CDH18: variants seen among roughly 807,000 people sequenced by gnomAD.
The protein encoded by CDH18 is cadherin 18, also known as cadherin-18.
In CDH18, 31 loss-of-function variants were observed where a neutral mutation model predicts 67.9. That is an observed-to-expected ratio of 0.46 (90% CI 0.34 to 0.62). The LOEUF is 0.62. CDH18 is among the 20% of genes least tolerant of loss of function. CDH18 has a pLI of 0.01. For missense variants in CDH18, 890 were observed against 975.5 expected (o/e 0.91, Z 1.17); for synonymous variants, 362 against 347.2 (o/e 1.04, Z -0.48).
At chr5:20,289,793 C>T (rs1301577329) in intron 1 of CDH18, among the ~76,000 whole-genome samples, 1 of 151,868 alleles carries the variant, frequency 6.6e-6, no homozygotes, top group East Asian at 1.9e-4. Flanking sequence ...CATTAAACTA[C>T]AGATTTAATA....
chr5:19,543,792 G>A, intron 9 of CDH18, 77 bp downstream of exon 9: 1 of 1,005,856 alleles, frequency 9.9e-7, no homozygotes, highest in African/African-American at 1.6e-5. Context: ...GATTATGAGA[G>A]CCCTGCTCTT....
chr5:19,614,287 A>C (rs931615287), intron 5 of CDH18, among the ~76,000 whole-genome samples: 5 of 151,830 alleles, frequency 3.3e-5, no homozygotes, highest in African/African-American at 1.2e-4. Context: ...AAGATCCCAT[A>C]ACTTTCACAT....
chr5:20,435,834 T>C (rs995772211), intron 1 of CDH18, among the ~76,000 whole-genome samples: 18 of 152,092 alleles, frequency 1.2e-4, no homozygotes, highest in African/African-American at 4.3e-4. Context: ...ATATCAAAGG[T>C]AAAATCAAAT....
chr5:20,377,650 G>A (rs187871695), intron 1 of CDH18, among the ~76,000 whole-genome samples: 3 of 152,260 alleles, frequency 2.0e-5, no homozygotes, highest in East Asian at 3.9e-4. Flanking sequence ...ACAAGATGAC[G>A]CATCTAGCAG....
chr5:20,442,850 T>C lies in CDH18; in HGVS notation c.-580+132612A>G, dbSNP rs1049612662. 5.9e-5 allele frequency among the ~76,000 whole-genome samples: 9 copies of C among 151,970 alleles called. No homozygotes were observed. The East Asian group carries it at 1.4e-3, about 23-fold the overall frequency. ...CTGATTAATTGTACAAATATTCAGA[T>C]ACAATGGATCAGATATGTAGACACT... On this transcript the variant is annotated intron_variant, in intron 1 of 14. Coordinates refer to the CDH18 transcript ENST00000507958.
Position 19,994,187 on chromosome 5 carries a change from A to G in CDH18, c.-517-2173T>C, listed in dbSNP as rs916616638. 7.9e-5 allele frequency among the ~76,000 whole-genome samples: 12 copies of G among 152,020 alleles called. No individual in the cohort carries two copies. The East Asian group carries it at 1.2e-3, about 15-fold the overall frequency. The stretch of plus-strand genomic sequence containing the variant: ...CAGCTTTGTCAACTGAATGAATGCA[A>G]TCTGGTGGGGTGTATATCTATATGT... On this transcript the variant is annotated intron_variant, in intron 2 of 14. Coordinates refer to the CDH18 transcript ENST00000507958.
At chr5:19,948,237 G>A (rs78042491) in intron 2 of CDH18, among the ~76,000 whole-genome samples, 19 of 152,074 alleles carry the variant, frequency 1.2e-4, no homozygotes, top group South Asian at 4.1e-4. Context: ...TAGACTTATC[G>A]CACAAAGCAG....
intron 8 of CDH18, among the ~76,000 whole-genome samples, chr5:19,558,059 G>A (rs1207779616): frequency 6.6e-6 from 1 of 152,014 alleles, no homozygotes; most frequent in Non-Finnish European, 1.5e-5. Context: ...AGACAACAAT[G>A]AAATGAAAAT....
intron 1 of CDH18, chr5:20,304,982 G>C (rs1040900587): frequency 1.9e-6 from 3 of 1,613,782 alleles, no homozygotes; most frequent in Middle Eastern, 1.6e-4. Flanking sequence ...AACTGCTTGT[G>C]ATAGGCATTT....
At chr5:19,838,302 G>T (rs1398194796) in intron 3 of CDH18, among the ~76,000 whole-genome samples, 1 of 152,006 alleles carries the variant, frequency 6.6e-6, no homozygotes, top group Non-Finnish European at 1.5e-5. Context: ...TATGATATTA[G>T]AAAATATGTG....
chr5:19,493,537 GGTGTGTGT>G (rs67879363), intron 11 of CDH18, among the ~76,000 whole-genome samples: 65 of 148,022 alleles, frequency 4.4e-4, no homozygotes, highest in Non-Finnish European at 7.3e-4. Context: ...AGGGAATTGG[GGTGTGTGT>G]GTGTGTGTGT....
At chr5:19,774,131 T>C (rs1175988177) in intron 3 of CDH18, among the ~76,000 whole-genome samples, 1 of 152,134 alleles carries the variant, frequency 6.6e-6, no homozygotes, top group African/African-American at 2.4e-5. Flanking sequence ...AAAGCTAGCA[T>C]AGATAAACAC....
chr5:19,862,304 C>T (rs566110752), intron 2 of CDH18, among the ~76,000 whole-genome samples: 79 of 152,258 alleles, frequency 5.2e-4, no homozygotes, highest in Middle Eastern at 3.4e-3. Context: ...TGTCAGGTAT[C>T]TCACAATTCT....
chr5:20,316,533 C>A (rs530648623), intron 1 of CDH18, among the ~76,000 whole-genome samples: 12 of 152,094 alleles, frequency 7.9e-5, no homozygotes, highest in Middle Eastern at 3.4e-3. Flanking sequence ...TGAGGCAGTG[C>A]TATTCGGAAT....
chr5:20,474,500 C>T (rs1345016746), intron 1 of CDH18, among the ~76,000 whole-genome samples: 2 of 152,086 alleles, frequency 1.3e-5, no homozygotes, highest in Non-Finnish European at 2.9e-5. Context: ...AGTTCTCAGT[C>T]TTGGAATTTA....
intron 2 of CDH18, among the ~76,000 whole-genome samples, chr5:20,092,302 C>A (rs541984809): frequency 7.4e-4 from 113 of 152,210 alleles, no homozygotes; most frequent in African/African-American, 2.6e-3. Context: ...ACATAAAATT[C>A]TGTTTCCCAT....
chr5:19,994,829 A>AGTAT (rs1491114480), intron 2 of CDH18, among the ~76,000 whole-genome samples: 1 of 21,018 alleles, frequency 4.8e-5, no homozygotes, highest in African/African-American at 2.2e-4. Context: ...ATATAAAGAG[A>AGTAT]ATATATATAT....
intron 1 of CDH18, among the ~76,000 whole-genome samples, chr5:20,404,175 G>T (rs1410292574): frequency 2.0e-5 from 3 of 152,150 alleles, no homozygotes; most frequent in Admixed American, 1.3e-4. Context: ...AATGGGCTTT[G>T]GCTTAAGCAA....
upstream of CDH18, chr5:19,988,374 T>TC (rs925720794): frequency 2.8e-3 from 434 of 153,724 alleles, no homozygotes; most frequent in Non-Finnish European, 3.5e-3. Flanking sequence ...TGCCTCCTTC[T>TC]CCCCCCCAAC....
Sources: allele counts gnomAD v4.1 joint callset (sites outside exome capture counted in the v4.1 genomes callset), GRCh38; gene constraint gnomAD v4.1.1; transcripts MANE v1.5; gene names NCBI Gene and HGNC (gene_info 2026-07-23, HGNC 2026-07-21).